Variants in PCDH15 observed in about 807,000 individuals in gnomAD.
PCDH15 encodes protocadherin-15.
PCDH15 carries 129 observed loss-of-function variants against 178.5 expected under a neutral mutation model. The observed-to-expected ratio is 0.72, with a 90% confidence interval of 0.63 to 0.84. PCDH15 has a LOEUF of 0.84. PCDH15 is among the 40% of genes least tolerant of loss of function. PCDH15 has a pLI of 0.00. For missense variants in PCDH15, 2,230 were observed against 2,099.9 expected, an observed-to-expected ratio of 1.06 and a Z score of -1.21; for synonymous variants, 800 against 732.0, an observed-to-expected ratio of 1.09 and a Z score of -1.50.
At chr10:53,947,822 A>C (rs1202362764) in intron 23 of PCDH15, among the ~76,000 whole-genome samples, 1 of 152,188 alleles carries the variant, frequency 6.6e-6, no homozygotes. Context: ...CAGTTCCTTA[A>C]AGAATCTTCA....
At chr10:54,088,563 T>C (rs907644922) in intron 16 of PCDH15, among the ~76,000 whole-genome samples, 1 of 152,166 alleles carries the variant, frequency 6.6e-6, no homozygotes, top group African/African-American at 2.4e-5. Context: ...AGACCCAATT[T>C]ATCAATTTTA....
intron 25 of PCDH15, among the ~76,000 whole-genome samples, chr10:53,918,379 A>C (rs1007611722): frequency 9.9e-5 from 15 of 152,220 alleles, no homozygotes; most frequent in African/African-American, 3.6e-4. Context: ...ATTCATGCCC[A>C]GGTTTCTCTC....
At chr10:55,024,936 GT>G (rs918972534) in intron 2 of PCDH15, among the ~76,000 whole-genome samples, 2 of 151,696 alleles carry the variant, frequency 1.3e-5, no homozygotes, top group African/African-American at 4.8e-5. Flanking sequence ...CAAAACCATG[GT>G]TTTTTTTAAT....
intron 2 of PCDH15, among the ~76,000 whole-genome samples, chr10:54,583,629 A>G (rs1228629732): frequency 6.6e-6 from 1 of 152,156 alleles, no homozygotes; most frequent in African/African-American, 2.4e-5. Context: ...CATTCAGTAG[A>G]TAAGATTATC....
At chr10:54,922,240 C>T (rs931229194) in intron 2 of PCDH15, among the ~76,000 whole-genome samples, 11 of 152,020 alleles carry the variant, frequency 7.2e-5, no homozygotes, top group African/African-American at 2.2e-4. Flanking sequence ...AAAGTCCAAG[C>T]CCAAAATCTG....
At chr10:55,194,882 T>C (rs973806959) in intron 1 of PCDH15, among the ~76,000 whole-genome samples, 13 of 152,112 alleles carry the variant, frequency 8.5e-5, no homozygotes, top group Non-Finnish European at 1.6e-4. Flanking sequence ...TCTCACCTTC[T>C]CTATATGTTT....
chr10:54,729,724 C>T (rs1377341919), intron 1 of PCDH15, among the ~76,000 whole-genome samples: 1 of 151,434 alleles, frequency 6.6e-6, no homozygotes, highest in African/African-American at 2.4e-5. Flanking sequence ...ACAAACAACC[C>T]CATTAGAAAA....
intron 2 of PCDH15, among the ~76,000 whole-genome samples, chr10:55,603,296 T>G (rs1230929808): frequency 6.7e-6 from 1 of 150,168 alleles, no homozygotes; most frequent in Non-Finnish European, 1.5e-5. Flanking sequence ...ATGGGGAGAA[T>G]GGAACCAAGT....
chr10:54,166,004 G>A (rs1295028491), intron 13 of PCDH15, among the ~76,000 whole-genome samples: 1 of 152,184 alleles, frequency 6.6e-6, no homozygotes, highest in Non-Finnish European at 1.5e-5. Flanking sequence ...TCATGACAAA[G>A]GGGCTGGGAG....
At chr10:53,952,521 T>C (rs1205233688) in intron 23 of PCDH15, among the ~76,000 whole-genome samples, 1 of 152,132 alleles carries the variant, frequency 6.6e-6, no homozygotes. Context: ...TGCTGATTGG[T>C]CCATGGGCAG....
intron 20 of PCDH15, among the ~76,000 whole-genome samples, chr10:54,011,717 G>C (rs1435961545): frequency 6.6e-6 from 1 of 152,118 alleles, no homozygotes; most frequent in South Asian, 2.1e-4. Flanking sequence ...TGAAACCAAG[G>C]ACAAGAGCTC....
chr10:54,529,258 T>C (rs529951462), intron 2 of PCDH15, among the ~76,000 whole-genome samples: 21 of 152,108 alleles, frequency 1.4e-4, no homozygotes, highest in African/African-American at 4.8e-4. Flanking sequence ...GTCATAACAT[T>C]TTCAGATCTA....
intron 2 of PCDH15, among the ~76,000 whole-genome samples, chr10:54,594,132 C>A (rs1017357655): frequency 6.6e-6 from 1 of 152,226 alleles, no homozygotes; most frequent in East Asian, 1.9e-4. Flanking sequence ...CTCACTCTCA[C>A]CATGAGCCTC....
intron 25 of PCDH15, among the ~76,000 whole-genome samples, chr10:53,938,185 A>G (rs1343373024): frequency 6.6e-6 from 1 of 152,128 alleles, no homozygotes; most frequent in East Asian, 1.9e-4. Context: ...TGCCACAGAA[A>G]TGTTGAAGTT....
chr10:54,517,672 G>A (rs1366234867), intron 3 of PCDH15, among the ~76,000 whole-genome samples: 1 of 152,044 alleles, frequency 6.6e-6, no homozygotes, highest in East Asian at 1.9e-4. Context: ...AGTTAACAAG[G>A]ATACCCAGGA....
At chr10:55,193,595 TG>T in intron 1 of PCDH15, among the ~76,000 whole-genome samples, 1 of 152,044 alleles carries the variant, frequency 6.6e-6, no homozygotes, top group East Asian at 1.9e-4. Flanking sequence ...TAAATGTAAA[TG>T]GTTTAAATTC....
At chr10:54,453,294 G>A (rs2076599789) in intron 3 of PCDH15, among the ~76,000 whole-genome samples, 1 of 152,088 alleles carries the variant, frequency 6.6e-6, no homozygotes, top group Admixed American at 6.6e-5. Context: ...AGAAAATGTG[G>A]CACATATACA....
At chr10:53,878,813 A>G (rs2080476267) in intron 26 of PCDH15, among the ~76,000 whole-genome samples, 1 of 152,140 alleles carries the variant, frequency 6.6e-6, no homozygotes, top group Admixed American at 6.5e-5. Context: ...AGACTATCAT[A>G]GTGGTTGAGA....
intron 8 of PCDH15, among the ~76,000 whole-genome samples, chr10:54,308,868 A>T (rs906171833): frequency 1.4e-4 from 22 of 151,800 alleles, no homozygotes; most frequent in Admixed American, 6.6e-5. Context: ...ATACTTGCTG[A>T]ATTTTAGTTT....
Sources: allele counts gnomAD v4.1 joint callset (sites outside exome capture counted in the v4.1 genomes callset), GRCh38; gene constraint gnomAD v4.1.1; transcripts MANE v1.5; gene names NCBI Gene and HGNC (gene_info 2026-07-23, HGNC 2026-07-21).